FBXW7: variants seen among roughly 807,000 people sequenced by gnomAD.
The protein encoded by FBXW7 is F-box and WD repeat domain containing 7.
FBXW7 carries 11 observed loss-of-function variants against 86.3 expected under a neutral mutation model. That is an observed-to-expected ratio of 0.13 (90% CI 0.08 to 0.21). The LOEUF (loss-of-function observed/expected upper bound fraction) is 0.21, where lower values mean the gene tolerates loss of function less well. FBXW7 is among the 10% of genes least tolerant of loss of function. The pLI is 1.00. For synonymous variants in FBXW7, 313 were observed against 297.9 expected (o/e 1.05, Z -0.52); for missense variants, 488 against 847.4 (o/e 0.58, Z 5.27).
chr4:152,377,418 A>T (rs1242412839), intron 4 of FBXW7, among the ~76,000 whole-genome samples: 1 of 152,136 alleles, frequency 6.6e-6, no homozygotes, highest in Non-Finnish European at 1.5e-5. Flanking sequence ...TACCATTATT[A>T]TACATTTAGA....
chr4:152,516,529 T>C (rs965447540), intron 2 of FBXW7, among the ~76,000 whole-genome samples: 4 of 152,218 alleles, frequency 2.6e-5, no homozygotes, highest in Non-Finnish European at 5.9e-5. Context: ...ACTGCTTCTG[T>C]AGAGCGATGG....
intron 5 of FBXW7, among the ~76,000 whole-genome samples, chr4:152,349,206 A>C (rs1404022559): frequency 1.3e-5 from 2 of 151,988 alleles, no homozygotes; most frequent in Non-Finnish European, 2.9e-5. Context: ...ATATTTTGAG[A>C]GAAAGGAAGA....
intron 6 of FBXW7, among the ~76,000 whole-genome samples, chr4:152,338,386 A>G (rs1031506511): frequency 1.3e-5 from 2 of 152,086 alleles, no homozygotes; most frequent in African/African-American, 4.8e-5. Context: ...AGCATCAATC[A>G]GAGAAAAATT....
chr4:152,334,118 A>G (rs1416644465), intron 7 of FBXW7, among the ~76,000 whole-genome samples: 4 of 152,200 alleles, frequency 2.6e-5, no homozygotes, highest in Non-Finnish European at 4.4e-5. Flanking sequence ...AGTATATTCA[A>G]TATACAAAAT....
chr4:152,440,224 A>G (rs1375802684), intron 2 of FBXW7, among the ~76,000 whole-genome samples: 3 of 152,230 alleles, frequency 2.0e-5, no homozygotes, highest in Admixed American at 6.5e-5. Context: ...TTAATTTTAT[A>G]ATAATGCCAC....
At chr4:152,509,836 T>C (rs1277325056) in intron 2 of FBXW7, among the ~76,000 whole-genome samples, 1 of 152,170 alleles carries the variant, frequency 6.6e-6, no homozygotes, top group African/African-American at 2.4e-5. Flanking sequence ...TACAGGATCA[T>C]GAAGAATGTG....
At chr4:152,442,792 A>G (rs2126989150) in intron 2 of FBXW7, among the ~76,000 whole-genome samples, 1 of 152,380 alleles carries the variant, frequency 6.6e-6, no homozygotes, top group Non-Finnish European at 1.5e-5. Flanking sequence ...CAACAAGGAC[A>G]GTATCAGGGA....
intron 4 of FBXW7, among the ~76,000 whole-genome samples, chr4:152,389,393 A>G (rs113221029): frequency 2.4e-3 from 366 of 152,256 alleles, no homozygotes; most frequent in African/African-American, 8.3e-3. Flanking sequence ...CCACATATAT[A>G]TATGTTTACA....
chr4:152,328,217 T>C lies in FBXW7; in HGVS notation c.1409A>G (p.His470Arg), dbSNP rs2126512572. ...HTSTVRCMHL[H>R]EKRVVSGSRD... is the part of the protein sequence containing the mutation. ...CAAGATTTTCCCTTACCTTTTTTCA[T>C]GAAGATGCATACAACGCACAGTGGA... The change falls in exon 11 of 14, where the codon CAT becomes CGT. Residue 470 changes from histidine (H) to arginine (R), a missense_variant. Physicochemically the swap from His to Arg is conservative, Grantham distance 29. This residue lies in a region of FBXW7 where 142 missense variants were observed against 406.6 expected (regional missense o/e 0.35). Coordinates refer to ENST00000281708, the MANE Select transcript of FBXW7 (RefSeq NM_001349798.2). 1 of 1,586,898 alleles carries C rather than the reference T, an allele frequency of 6.3e-7. No homozygotes were observed. Among genetic ancestry groups the C allele is most frequent in the Non-Finnish European group, 8.6e-7 (1 of 1,169,436 alleles).
intron 2 of FBXW7, among the ~76,000 whole-genome samples, chr4:152,441,332 C>T (rs1213338807): frequency 6.6e-6 from 1 of 152,098 alleles, no homozygotes; most frequent in Non-Finnish European, 1.5e-5. Context: ...TTTCTCTACC[C>T]CTAAGCCTTT....
intron 4 of FBXW7, among the ~76,000 whole-genome samples, chr4:152,370,533 G>C (rs1733918031): frequency 6.6e-6 from 1 of 151,790 alleles, no homozygotes; most frequent in Non-Finnish European, 1.5e-5. Flanking sequence ...TGCAAACATG[G>C]AATTCCACTA....
At chr4:152,418,127 CCACACACA>C (rs3047865) in intron 2 of FBXW7, among the ~76,000 whole-genome samples, 2,021 of 143,918 alleles carry the variant, frequency 0.014, 26 homozygotes, top group Middle Eastern at 0.039. Flanking sequence ...ACAGCTCTTA[CCACACACA>C]CACACACACA....
At chr4:152,342,093 T>A (rs1424146025) in intron 6 of FBXW7, among the ~76,000 whole-genome samples, 1 of 152,116 alleles carries the variant, frequency 6.6e-6, no homozygotes, top group Non-Finnish European at 1.5e-5. Context: ...ATGGTAGCCA[T>A]GTTGGAACAC....
intron 2 of FBXW7, among the ~76,000 whole-genome samples, chr4:152,528,986 G>A (rs1298184742): frequency 2.0e-5 from 3 of 151,910 alleles, no homozygotes; most frequent in African/African-American, 7.3e-5. Context: ...TACTTAATGG[G>A]GGAAAGTCTA....
At chr4:152,346,469 T>C (rs1452805626) in intron 6 of FBXW7, among the ~76,000 whole-genome samples, 3 of 152,220 alleles carry the variant, frequency 2.0e-5, no homozygotes, top group Non-Finnish European at 4.4e-5. Flanking sequence ...TTGGACTTTC[T>C]CAATTATGAC....
At chr4:152,445,930 A>G (rs1181841407) in intron 2 of FBXW7, among the ~76,000 whole-genome samples, 1 of 148,598 alleles carries the variant, frequency 6.7e-6, no homozygotes, top group Non-Finnish European at 1.5e-5. Flanking sequence ...AAAAAAAAAA[A>G]AAAAAAAAAA....
chr4:152,417,771 C>T (rs1009648924), intron 2 of FBXW7, among the ~76,000 whole-genome samples: 1 of 152,102 alleles, frequency 6.6e-6, no homozygotes, highest in Non-Finnish European at 1.5e-5. Flanking sequence ...CTATGAGGAA[C>T]AGAACTGCTT....
chr4:152,373,163 G>A (rs1560819470), intron 4 of FBXW7, among the ~76,000 whole-genome samples: 1 of 151,986 alleles, frequency 6.6e-6, no homozygotes, highest in Non-Finnish European at 1.5e-5. Flanking sequence ...TAGTGTCCTA[G>A]CTACATTACT....
chr4:152,420,280 T>C (rs938755668), intron 2 of FBXW7, among the ~76,000 whole-genome samples: 17 of 152,292 alleles, frequency 1.1e-4, no homozygotes, highest in Non-Finnish European at 1.8e-4. Flanking sequence ...ATTTCAGCAA[T>C]TGTCACGCTG....
Sources: allele counts gnomAD v4.1 joint callset (sites outside exome capture counted in the v4.1 genomes callset), GRCh38; gene constraint gnomAD v4.1.1; regional missense constraint gnomAD v4.1.1; transcripts MANE v1.5; gene names NCBI Gene and HGNC (gene_info 2026-07-23, HGNC 2026-07-21).